Variants in HAS3 observed in about 807,000 individuals in gnomAD.
HAS3 encodes HA synthase 3.
Under a neutral mutation model 50.3 loss-of-function variants are expected in HAS3, and 27 were observed. The observed-to-expected ratio is 0.54, with a 90% CI of 0.40 to 0.74. HAS3 has a LOEUF of 0.74. HAS3 is among the 30% of genes least tolerant of loss of function. The pLI, the probability that HAS3 is intolerant of heterozygous loss-of-function variation, is 0.00. For missense variants in HAS3, 517 were observed against 742.8 expected (o/e 0.70, Z 3.53); for synonymous variants, 339 against 310.9 (o/e 1.09, Z -0.95).
At position 69,109,981 on chromosome 16, in the gene HAS3, G is replaced by A; in HGVS notation, c.586G>A (p.Val196Ile). ...IMQKWGGKRE[V>I]MYTAFKALGD... Reference sequence around the variant, plus strand: ...GCAGAAGTGGGGAGGCAAGCGCGAGGTCATGTACACGGCCTTCAAGGCCCT... The same window carrying A: ...GCAGAAGTGGGGAGGCAAGCGCGAGATCATGTACACGGCCTTCAAGGCCCT... The change falls in exon 2 of 4, where the codon GTC becomes ATC. Residue 196 changes from valine (V) to isoleucine (I), a missense_variant. Physicochemically the swap from Val to Ile is conservative, Grantham distance 29. Coordinates refer to ENST00000569188, the MANE Select transcript of HAS3 (RefSeq NM_001199280.2). The surrounding 1 kb of genome is among the most constrained non-coding windows in gnomAD (Gnocchi z 5.3). 1 of 1,613,848 alleles carries A rather than the reference G, an allele frequency of 6.2e-7. No homozygotes were observed. The highest frequency in any genetic ancestry group is 8.5e-7 in the Non-Finnish European group (1 of 1,179,852).
intron 2 of HAS3, 151 bp from the exon 3 acceptor site, chr16:69,113,290 C>A (rs1961068272): frequency 1.5e-6 from 1 of 661,822 alleles, no homozygotes; most frequent in African/African-American, 1.8e-5. Flanking sequence ...CTGGCACCTT[C>A]TGGTAGCGCA....
the HAS3 span, among the ~76,000 whole-genome samples, chr16:69,091,493 C>T: frequency 6.6e-6 from 1 of 152,024 alleles, no homozygotes; most frequent in Non-Finnish European, 1.5e-5. Context: ...AATGTCCCCC[C>T]AAAAGTTTGT....
At chr16:69,093,060 T>C in the HAS3 span, among the ~76,000 whole-genome samples, 3 of 152,184 alleles carry the variant, frequency 2.0e-5, no homozygotes, top group Admixed American at 6.5e-5. Flanking sequence ...CAGAAAGCCA[T>C]GTGGCAAATG....
chr16:69,094,334 C>T, the HAS3 span, among the ~76,000 whole-genome samples: 2 of 152,134 alleles, frequency 1.3e-5, no homozygotes, highest in African/African-American at 4.8e-5. Context: ...CTAGAGCCAC[C>T]CCCACCACAC....
At chr16:69,096,553 A>G in the HAS3 span, among the ~76,000 whole-genome samples, 29 of 149,392 alleles carry the variant, frequency 1.9e-4, no homozygotes, top group Non-Finnish European at 3.6e-4. Context: ...AAAAAAAAAA[A>G]AAAAAAAAAA....
In HAS3 at chr16:69,109,772, G is replaced by T. The variant is rs1292746238; in HGVS notation, c.377G>T (p.Arg126Leu). 6.2e-7 allele frequency: 1 copy of T among 1,611,726 alleles called. No individual in the cohort carries two copies. The part of the protein sequence containing the change: ...LKVVMVVDGN[R>L]QEDAYMLDIF... ...GTGGTCATGGTGGTGGATGGCAACC[G>T]CCAGGAGGACGCCTACATGCTGGAC... The change falls in exon 2 of 4, where the codon CGC becomes CTC. Residue 126 changes from arginine (R) to leucine (L), a missense_variant. Arg to Leu is a moderately radical substitution (Grantham distance 102). Coordinates refer to ENST00000569188, the MANE Select transcript of HAS3 (RefSeq NM_001199280.2). This position sits in a 1 kb window ranked among gnomAD's most constrained non-coding sequence, Gnocchi z 5.3.
At chr16:69,085,848 G>A in the HAS3 span, among the ~76,000 whole-genome samples, 1 of 152,064 alleles carries the variant, frequency 6.6e-6, no homozygotes, top group Admixed American at 6.6e-5. Flanking sequence ...CAAAGTGCTG[G>A]GATTACAGGC....
chr16:69,114,411 G>A lies in HAS3; in HGVS notation c.807G>A (p.Val269=). The A allele has an allele frequency of 6.2e-7, 1 of 1,612,426 alleles. No homozygotes were observed. Among genetic ancestry groups the A allele is most frequent in the Non-Finnish European group, 8.5e-7 (1 of 1,180,026 alleles). ...TGCGGTACTGGATGGCCTTCAACGT[G>A]GAGCGGGCCTGCCAGTCCTACTTTG... The part of the protein sequence containing the change: ...SSVRYWMAFN[V]ERACQSYFGC... The change falls in exon 4 of 4, where the codon GTG becomes GTA. Residue 269 remains valine, a synonymous_variant. Coordinates refer to ENST00000569188, the MANE Select transcript of HAS3 (RefSeq NM_001199280.2). The surrounding 1 kb of genome is among the most constrained non-coding windows in gnomAD (Gnocchi z 6.4).
At position 69,115,168 on chromosome 16, in the gene HAS3, T is replaced by C; in HGVS notation, c.1564T>C (p.Cys522Arg). 6.3e-7 allele frequency: 1 copy of C among 1,596,402 alleles called. No homozygotes were observed. Among genetic ancestry groups the C allele is most frequent in the Non-Finnish European group, 8.5e-7 (1 of 1,170,312 alleles). The change falls in exon 4 of 4, where the codon TGC becomes CGC. Residue 522 changes from cysteine (C) to arginine (R), a missense_variant. By Grantham distance (180) the Cys-to-Arg change is radical. Coordinates refer to ENST00000569188, the MANE Select transcript of HAS3 (RefSeq NM_001199280.2). ...TGTCTCTGGGGCTATACTGTATGGC[T>C]GCTACTGGGTGGCCCTCCTCATGCT... ...FLVSGAILYG[C>R]YWVALLMLYL...
Position 69,110,072 on chromosome 16 carries a change from G to A in HAS3, c.636+41G>A, listed in dbSNP as rs761316634. On this transcript the variant is annotated intron_variant, in intron 2 of 3. Coordinates refer to ENST00000569188, the MANE Select transcript of HAS3 (RefSeq NM_001199280.2). ...TAGGAGCGTGTGTACATGGGGATAA[G>A]TCTGGACAGCCTGGCAAACTCTCCG... 11 of 1,548,946 alleles carry A rather than the reference G, an allele frequency of 7.1e-6. No individual in the cohort carries two copies. The African/African-American group carries it at 1.5e-4, about 21-fold the overall frequency.
upstream of HAS3, among the ~76,000 whole-genome samples, chr16:69,102,701 C>G (rs538250711): frequency 6.6e-6 from 1 of 152,168 alleles, no homozygotes; most frequent in Admixed American, 6.5e-5. Context: ...TTCATGGACT[C>G]GTGAGGTTGT....
the HAS3 span, among the ~76,000 whole-genome samples, chr16:69,093,688 AC>A: frequency 6.6e-6 from 1 of 151,134 alleles, no homozygotes; most frequent in Non-Finnish European, 1.5e-5. Flanking sequence ...GTGCCACCAC[AC>A]CCGGCTAATT....
chr16:69,083,779 G>A, the HAS3 span: 4 of 1,248,648 alleles, frequency 3.2e-6, no homozygotes, highest in Non-Finnish European at 3.3e-6. Context: ...TGACCCTCGG[G>A]GTGGTTTTAT....
the HAS3 span, chr16:69,083,844 C>G: frequency 1.7e-6 from 1 of 598,066 alleles, no homozygotes; most frequent in African/African-American, 1.9e-5. Context: ...GTTCAGCACT[C>G]CCGCGTTCAG....
chr16:69,105,328 C>G (rs908532711), upstream of HAS3, among the ~76,000 whole-genome samples: 12 of 152,110 alleles, frequency 7.9e-5, no homozygotes, highest in Admixed American at 2.0e-4. Context: ...AACTCTCCCC[C>G]CTCCTCGATC....
the HAS3 span, among the ~76,000 whole-genome samples, chr16:69,086,522 A>ATGTGAG: frequency 7.2e-6 from 1 of 138,310 alleles, no homozygotes; most frequent in Non-Finnish European, 1.6e-5. Context: ...TTTCTATATT[A>ATGTGAG]TGTGTGTGTG....
In HAS3 at chr16:69,109,841, T is replaced by C; in HGVS notation, c.446T>C (p.Phe149Ser). The stretch of plus-strand genomic sequence containing the variant: ...GGCGGCACCGAGCAGGCCGGCTTCT[T>C]TGTGTGGCGCAGCAACTTCCATGAG... ...VLGGTEQAGF[F>S]VWRSNFHEAG... The change falls in exon 2 of 4, where the codon TTT (phenylalanine) becomes TCT (serine). Residue 149 changes from phenylalanine to serine, a missense_variant. Physicochemically the swap from Phe to Ser is radical, Grantham distance 155 (BLOSUM62 -2). Coordinates refer to ENST00000569188, the MANE Select transcript of HAS3 (RefSeq NM_001199280.2). This position sits in a 1 kb window ranked among gnomAD's most constrained non-coding sequence, Gnocchi z 5.3. The C allele has an allele frequency of 6.2e-7, 1 of 1,613,304 alleles. No homozygotes were observed. The highest frequency in any genetic ancestry group is 1.3e-5 in the African/African-American group (1 of 75,046).
At chr16:69,088,489 G>A in the HAS3 span, among the ~76,000 whole-genome samples, 18 of 151,500 alleles carry the variant, frequency 1.2e-4, no homozygotes, top group Non-Finnish European at 5.9e-5. Context: ...AAACCCAGGA[G>A]GCAGAGGTTG....
chr16:69,116,323 C>T lies in HAS3; in HGVS notation c.*1057C>T, dbSNP rs1313060014. 1 of 985,842 alleles carries T rather than the reference C, an allele frequency of 1.0e-6. No individual in the cohort carries two copies. Among genetic ancestry groups the T allele is most frequent in the African/African-American group, 1.7e-5 (1 of 57,368 alleles). The allele number at this position is 985,842 out of a possible 1,614,324, so 61.1% of individuals were successfully genotyped here. A position where few individuals can be genotyped will look rare whatever the true frequency, so the allele number is the denominator to read the frequency against. On this transcript the variant is annotated 3_prime_UTR_variant, in exon 4 of 4. Coordinates refer to ENST00000569188, the MANE Select transcript of HAS3 (RefSeq NM_001199280.2). ...CTCTTATAGAAGCTTCAGCAGGAGGCAAGCGTGTTCTCAGCACATATGGGA... is the reference window on the plus strand; with the variant it reads ...CTCTTATAGAAGCTTCAGCAGGAGGTAAGCGTGTTCTCAGCACATATGGGA...
Sources: gnomAD v4.1 joint callset for allele counts (sites outside exome capture counted in the v4.1 genomes callset) on GRCh38, gnomAD v4.1.1 for gene constraint, Gnocchi (gnomAD v3.1) non-coding constraint, MANE v1.5 for transcripts, NCBI Gene and HGNC (gene_info 2026-07-23, HGNC 2026-07-21) for gene names.